Variants in AGBL4 observed in about 807,000 individuals in gnomAD.
The protein encoded by AGBL4 is cytosolic carboxypeptidase 6.
A neutral mutation model predicts 66.4 loss-of-function variants in AGBL4; 58 were observed. That is an observed-to-expected ratio of 0.87 (90% CI 0.71 to 1.09). The LOEUF (loss-of-function observed/expected upper bound fraction) is 1.09, where lower values mean the gene tolerates loss of function less well. AGBL4 is among the 50% of genes least tolerant of loss of function. The pLI is 0.00. For missense variants in AGBL4, 579 were observed against 631.0 expected, an observed-to-expected ratio of 0.92 and a Z score of 0.88; for synonymous variants, 234 against 222.9, an observed-to-expected ratio of 1.05 and a Z score of -0.44.
At chr1:49,134,475 GCCCC>G (rs57286157) in intron 4 of AGBL4, among the ~76,000 whole-genome samples, 6,383 of 112,628 alleles carry the variant, frequency 0.057, 448 homozygotes, top group African/African-American at 0.15. Flanking sequence ...ATTTTGGAGG[GCCCC>G]CCCCCCCCCA....
intron 6 of AGBL4, among the ~76,000 whole-genome samples, chr1:48,849,015 A>C (rs777069487): frequency 1.3e-5 from 2 of 152,208 alleles, no homozygotes. Flanking sequence ...AACACCACTT[A>C]GGCTCCAGGT....
chr1:49,017,517 AT>A (rs1449562451), intron 5 of AGBL4, among the ~76,000 whole-genome samples: 2 of 152,138 alleles, frequency 1.3e-5, no homozygotes, highest in East Asian at 1.9e-4. Flanking sequence ...CATGTAAATA[AT>A]TTTGAGCCCC....
At chr1:49,915,363 G>A (rs1651315684) in intron 1 of AGBL4, among the ~76,000 whole-genome samples, 1 of 152,138 alleles carries the variant, frequency 6.6e-6, no homozygotes, top group African/African-American at 2.4e-5. Flanking sequence ...GACAGCAGCT[G>A]GAAAACTGGG....
chr1:49,095,036 A>T (rs1335849590), intron 4 of AGBL4, among the ~76,000 whole-genome samples: 1 of 152,186 alleles, frequency 6.6e-6, no homozygotes, highest in African/African-American at 2.4e-5. Flanking sequence ...CTTATACACC[A>T]ATAACAGACA....
chr1:49,460,123 T>C (rs1039519168), intron 3 of AGBL4, among the ~76,000 whole-genome samples: 4 of 151,686 alleles, frequency 2.6e-5, no homozygotes, highest in Non-Finnish European at 5.9e-5. Context: ...AAATATCTGT[T>C]AAGTCCATTT....
In AGBL4 at chr1:49,748,600, T is replaced by C. The variant is rs201622729; in HGVS notation, c.158-51163A>G. On this transcript the variant is annotated intron_variant, in intron 2 of 13. Coordinates refer to ENST00000371839, the MANE Select transcript of AGBL4 (RefSeq NM_032785.4). ...GGAATCGCCACACAGTCTTCCACAA[T>C]GGTTGAACTAATTTACACTCCCAAT... Among the ~76,000 whole-genome samples, 11 of 152,342 alleles carry C rather than the reference T, an allele frequency of 7.2e-5. No homozygotes were observed. The East Asian group carries it at 1.7e-3, about 24-fold the overall frequency.
intron 3 of AGBL4, among the ~76,000 whole-genome samples, chr1:49,425,600 C>T (rs999035849): frequency 3.9e-5 from 6 of 152,124 alleles, no homozygotes; most frequent in Admixed American, 2.6e-4. Flanking sequence ...TAAAGCAGCC[C>T]ATCAAGTTAA....
chr1:49,949,187 A>G (rs772233179), intron 1 of AGBL4, among the ~76,000 whole-genome samples: 7 of 151,464 alleles, frequency 4.6e-5, no homozygotes, highest in Non-Finnish European at 8.9e-5. Context: ...ATACAAAAAA[A>G]TCATCTCTCA....
At chr1:49,255,409 G>A (rs546433183) in intron 3 of AGBL4, among the ~76,000 whole-genome samples, 1 of 152,090 alleles carries the variant, frequency 6.6e-6, no homozygotes, top group African/African-American at 2.4e-5. Context: ...AAAAATCATG[G>A]AAAAAAGCTC....
intron 5 of AGBL4, among the ~76,000 whole-genome samples, chr1:49,014,710 G>T (rs1662685060): frequency 6.6e-6 from 1 of 152,172 alleles, no homozygotes; most frequent in African/African-American, 2.4e-5. Flanking sequence ...CCCACATGCA[G>T]TCCCACCCTA....
chr1:49,417,841 A>T (rs1645460980), intron 3 of AGBL4, among the ~76,000 whole-genome samples: 1 of 152,184 alleles, frequency 6.6e-6, no homozygotes, highest in African/African-American at 2.4e-5. Context: ...TCAGTAGTTT[A>T]AAGCTATGCA....
intron 5 of AGBL4, among the ~76,000 whole-genome samples, chr1:48,925,129 T>C: frequency 6.8e-6 from 1 of 146,444 alleles, no homozygotes; most frequent in Non-Finnish European, 1.5e-5. Context: ...CTGAGGACCA[T>C]CTGTATATAT....
chr1:48,746,852 C>T (rs1279123322), intron 6 of AGBL4, among the ~76,000 whole-genome samples: 1 of 152,224 alleles, frequency 6.6e-6, no homozygotes, highest in Admixed American at 6.5e-5. Context: ...GCTGGCAAAA[C>T]GGCAGATGAA....
At chr1:49,077,475 A>G (rs370073242) in intron 4 of AGBL4, among the ~76,000 whole-genome samples, 30 of 152,264 alleles carry the variant, frequency 2.0e-4, no homozygotes, top group African/African-American at 7.2e-4. Context: ...CCTACTATAA[A>G]AATGTATCAG....
At chr1:49,848,003 A>C (rs1646199045) in intron 2 of AGBL4, among the ~76,000 whole-genome samples, 1 of 152,192 alleles carries the variant, frequency 6.6e-6, no homozygotes, top group African/African-American at 2.4e-5. Context: ...GCCTGGCCCA[A>C]ACATATTTTT....
intron 1 of AGBL4, among the ~76,000 whole-genome samples, chr1:49,914,049 C>G (rs1651134638): frequency 6.6e-6 from 1 of 152,216 alleles, no homozygotes; most frequent in Non-Finnish European, 1.5e-5. Flanking sequence ...GCACCTGGCT[C>G]TCTTCTAGCC....
At chr1:48,718,614 G>A (rs1462534106) in intron 6 of AGBL4, among the ~76,000 whole-genome samples, 2 of 152,172 alleles carry the variant, frequency 1.3e-5, no homozygotes, top group Non-Finnish European at 2.9e-5. Context: ...TGGTGGGAGG[G>A]AGAGGTGGGG....
At chr1:49,224,604 G>A (rs192294601) in intron 4 of AGBL4, among the ~76,000 whole-genome samples, 2 of 133,592 alleles carry the variant, frequency 1.5e-5, no homozygotes, top group East Asian at 2.4e-4. Context: ...GCAACAGAGC[G>A]AGACTCCCTC....
At chr1:49,660,462 C>T (rs892179043) in intron 3 of AGBL4, among the ~76,000 whole-genome samples, 9 of 151,872 alleles carry the variant, frequency 5.9e-5, no homozygotes, top group East Asian at 3.9e-4. Context: ...TAGATGTTGG[C>T]GAGGTTGTGG....
Sources: allele counts gnomAD v4.1 joint callset (sites outside exome capture counted in the v4.1 genomes callset), GRCh38; gene constraint gnomAD v4.1.1; transcripts MANE v1.5; gene names NCBI Gene and HGNC (gene_info 2026-07-23, HGNC 2026-07-21).